Variants in ABI2 observed in about 807,000 individuals in gnomAD.
The protein encoded by ABI2 is abelson interactor 2.
A neutral mutation model predicts 59.2 loss-of-function variants in ABI2; 25 were observed. The ratio of observed to expected loss-of-function variants is 0.42; its 90% CI spans 0.31 to 0.59. The LOEUF is 0.59. ABI2 is among the 20% of genes least tolerant of loss of function. The pLI is 0.14. For synonymous variants in ABI2, 213 were observed against 235.5 expected (o/e 0.90, Z 0.87); for missense variants, 545 against 681.8 (o/e 0.80, Z 2.23).
At chr2:203,358,729 G>C (rs1485132424) in intron 1 of ABI2, among the ~76,000 whole-genome samples, 1 of 152,120 alleles carries the variant, frequency 6.6e-6, no homozygotes, top group African/African-American at 2.4e-5. Flanking sequence ...GAAAAATCCA[G>C]CCAGGCATGG....
intron 9 of ABI2, 103 bp from the exon 10 acceptor site, chr2:203,411,182 T>C (rs2097659103): frequency 1.1e-6 from 1 of 889,924 alleles, no homozygotes; most frequent in Admixed American, 1.9e-5. Context: ...TGTTTGTGAA[T>C]AGTAGTTTCC....
chr2:203,357,604 A>G (rs546981358), intron 1 of ABI2, among the ~76,000 whole-genome samples: 107 of 152,318 alleles, frequency 7.0e-4, no homozygotes, highest in Non-Finnish European at 1.3e-3. Context: ...TTGTCTATAC[A>G]TATGTTGTCT....
At chr2:203,357,488 C>T (rs1234523395) in intron 1 of ABI2, among the ~76,000 whole-genome samples, 2 of 152,226 alleles carry the variant, frequency 1.3e-5, no homozygotes, top group African/African-American at 4.8e-5. Flanking sequence ...AGATTAACCT[C>T]TGATCATTTG....
intron 2 of ABI2, among the ~76,000 whole-genome samples, chr2:203,369,671 C>T (rs932269921): frequency 1.3e-5 from 2 of 152,058 alleles, no homozygotes; most frequent in African/African-American, 4.8e-5. Context: ...TTACAGAGGC[C>T]TCAGTCAAAG....
chr2:203,395,484 CAT>C (rs2096947135), intron 6 of ABI2, among the ~76,000 whole-genome samples, 170 bp from the exon 7 acceptor site: 6 of 148,108 alleles, frequency 4.1e-5, no homozygotes, highest in African/African-American at 1.5e-4. Context: ...CACACACACA[CAT>C]TTTTTTTTAA....
intron 6 of ABI2, chr2:203,395,198 C>A: frequency 1.6e-6 from 1 of 643,394 alleles, no homozygotes; most frequent in Non-Finnish European, 2.8e-6. Flanking sequence ...GATAGTACAT[C>A]AGAGTATGAT....
At chr2:203,374,759 G>T in intron 2 of ABI2, 2 of 425,538 alleles carry the variant, frequency 4.7e-6, no homozygotes, top group Non-Finnish European at 9.8e-6. Context: ...AAAAAAAATT[G>T]AGACATATTT....
chr2:203,343,707 C>T (rs1416045145), intron 1 of ABI2, among the ~76,000 whole-genome samples: 1 of 152,156 alleles, frequency 6.6e-6, no homozygotes, highest in African/African-American at 2.4e-5. Flanking sequence ...TGGTTTAATA[C>T]TATTTGATGT....
chr2:203,344,506 C>A (rs1041968165), intron 1 of ABI2, among the ~76,000 whole-genome samples: 2 of 151,814 alleles, frequency 1.3e-5, no homozygotes, highest in African/African-American at 4.8e-5. Flanking sequence ...GCTGTGATTA[C>A]AGGCAACTGC....
At chr2:203,368,194 C>T (rs1212623562) in intron 2 of ABI2, among the ~76,000 whole-genome samples, 2 of 151,842 alleles carry the variant, frequency 1.3e-5, no homozygotes, top group African/African-American at 4.8e-5. Flanking sequence ...ATAATCATTC[C>T]CATATTTTGG....
chr2:203,405,102 T>C (rs2153463742), intron 9 of ABI2, among the ~76,000 whole-genome samples: 1 of 152,342 alleles, frequency 6.6e-6, no homozygotes, highest in East Asian at 1.9e-4. Context: ...GGAAGTAAGG[T>C]GAATTGGGAT....
At chr2:203,397,172 G>A (rs886561219) in intron 8 of ABI2, among the ~76,000 whole-genome samples, 1 of 152,036 alleles carries the variant, frequency 6.6e-6, no homozygotes, top group African/African-American at 2.4e-5. Context: ...TTTTCCAATA[G>A]GGTAGCATAA....
rs755024902 is a variant in ABI2, at chr2:203,394,705, A to G, written c.584A>G (p.His195Arg). The G allele has an allele frequency of 6.2e-7, 1 of 1,613,342 alleles. No homozygotes were observed. The change falls in exon 6 of 12, where the codon CAC (histidine) becomes CGC (arginine). Residue 195 changes from histidine to arginine, a missense_variant. Transcript: ENST00000261018. ...PMSGKGTLGR[H>R]SPYRTLEPVR... ...ATACGCTCTTCTTTTTGTAGGCGGC[A>G]CTCCCCCTATCGCACACTGGAGCCA...
chr2:203,386,936 A>T (rs1159852035), intron 4 of ABI2, among the ~76,000 whole-genome samples: 1 of 152,034 alleles, frequency 6.6e-6, no homozygotes, highest in African/African-American at 2.4e-5. Context: ...CACCATGCCC[A>T]GCCAGACATT....
intron 1 of ABI2, among the ~76,000 whole-genome samples, chr2:203,360,998 G>A (rs1296238089): frequency 1.3e-5 from 2 of 152,188 alleles, no homozygotes; most frequent in South Asian, 2.1e-4. Flanking sequence ...GAGGAGAAGC[G>A]TGGCCTCAGC....
chr2:203,369,200 T>G (rs1019423583), intron 2 of ABI2, among the ~76,000 whole-genome samples: 3 of 151,800 alleles, frequency 2.0e-5, no homozygotes, highest in Admixed American at 1.3e-4. Context: ...AATTTCAAGA[T>G]CTATTCTTGA....
intron 2 of ABI2, among the ~76,000 whole-genome samples, chr2:203,371,374 C>T (rs1031497868): frequency 6.6e-6 from 1 of 152,138 alleles, no homozygotes; most frequent in Non-Finnish European, 1.5e-5. Flanking sequence ...TTCTAAATGT[C>T]AAATGTTTTC....
At chr2:203,392,202 T>C (rs1234605943) in intron 5 of ABI2, among the ~76,000 whole-genome samples, 3 of 152,100 alleles carry the variant, frequency 2.0e-5, no homozygotes, top group African/African-American at 7.2e-5. Context: ...TTGACAACCA[T>C]TGGCTTTATG....
At chr2:203,379,478 A>G (rs186515428) in intron 2 of ABI2, among the ~76,000 whole-genome samples, 15 of 152,280 alleles carry the variant, frequency 9.9e-5, no homozygotes, top group South Asian at 4.1e-4. Context: ...GGATCAAGCA[A>G]TCTGCCCACC....
Sources: gnomAD v4.1 joint callset for allele counts (sites outside exome capture counted in the v4.1 genomes callset) on GRCh38, gnomAD v4.1.1 for gene constraint, MANE v1.5 for transcripts, NCBI Gene and HGNC (gene_info 2026-07-23, HGNC 2026-07-21) for gene names.